The following DMXL1 variants were observed in gnomAD, a reference collection of about 807,000 sequenced individuals.
The protein encoded by DMXL1 is Dmx like 1, also known as dmX-like protein 1.
Under a neutral mutation model 319.2 loss-of-function variants are expected in DMXL1, and 99 were observed. The observed-to-expected ratio is 0.31, with a 90% confidence interval of 0.26 to 0.37. The LOEUF (loss-of-function observed/expected upper bound fraction) is 0.37, where lower values mean the gene tolerates loss of function less well. DMXL1 is among the 10% of genes least tolerant of loss of function. The pLI is 1.00. For synonymous variants in DMXL1, 1,385 were observed against 1,235.2 expected (o/e 1.12, Z -2.54); for missense variants, 3,745 against 3,595.6 (o/e 1.04, Z -1.06).
chr5:119,080,518 T>G (rs1020246024), intron 1 of DMXL1, among the ~76,000 whole-genome samples: 1 of 152,146 alleles, frequency 6.6e-6, no homozygotes, highest in Non-Finnish European at 1.5e-5. Context: ...GGAAATATCC[T>G]TAACACCTAA....
intron 4 of DMXL1, among the ~76,000 whole-genome samples, chr5:119,105,634 G>A (rs563554406): frequency 3.3e-5 from 5 of 152,230 alleles, no homozygotes; most frequent in African/African-American, 9.6e-5. Context: ...GGTGGCTCAC[G>A]CCTGTATTCC....
At chr5:119,109,445 G>T (rs1450979225) in intron 4 of DMXL1, among the ~76,000 whole-genome samples, 1 of 152,060 alleles carries the variant, frequency 6.6e-6, no homozygotes, top group African/African-American at 2.4e-5. Flanking sequence ...ACTGCCACTT[G>T]AAAATCTTTT....
At chr5:119,239,148 C>T in intron 41 of DMXL1, 68 bp downstream of exon 41, 1 of 1,518,044 alleles carries the variant, frequency 6.6e-7, no homozygotes, top group Non-Finnish European at 9.0e-7. Context: ...TGTTTCTGTC[C>T]TTGTGTTTGA....
chr5:119,196,384 C>T lies in DMXL1; in HGVS notation c.7471C>T (p.Arg2491Trp). ...CTTTATTTTTAGTTGGTCCTTGATG[C>T]GGTTGGCGATGGTGCAATTGGTGCT... ...NSNSYSWSLMRLAMVQLVLNN... is the reference protein window; with the variant it reads ...NSNSYSWSLMWLAMVQLVLNN... The change falls in exon 31 of 44, where the codon CGG becomes TGG. Residue 2491 changes from arginine (R) to tryptophan (W), a missense_variant. By Grantham distance (101) the Arg-to-Trp change is moderately radical. Around this residue, in one of 4 missense-constraint regions of DMXL1, gnomAD observed 1,382 missense variants for 1,269.5 expected, o/e 1.09. Transcript: ENST00000539542. 2 of 1,613,404 alleles carry T rather than the reference C, an allele frequency of 1.2e-6. No homozygotes were observed. Among genetic ancestry groups the T allele is most frequent in the Non-Finnish European group, 1.7e-6 (2 of 1,179,438 alleles).
At chr5:119,097,055 C>G (rs149644807) in intron 1 of DMXL1, among the ~76,000 whole-genome samples, 3 of 152,278 alleles carry the variant, frequency 2.0e-5, no homozygotes, top group Non-Finnish European at 4.4e-5. Flanking sequence ...GAATTGTAGC[C>G]TGAATGCTGG....
Position 119,247,214 on chromosome 5 carries a change from C to T in DMXL1, c.9142C>T (p.Leu3048=). Residue 3048 remains leucine, a synonymous_variant, in exon 44 of 44, where the codon CTA becomes TTA. Coordinates refer to ENST00000539542, the MANE Select transcript of DMXL1 (RefSeq NM_001290321.3). ...GTTGAAAAATGATGTGAAATTTATGCTATAACATTTTTACAATAAGATGTA... is the reference window on the plus strand; with the variant it reads ...GTTGAAAAATGATGTGAAATTTATGTTATAACATTTTTACAATAAGATGTA... ...EVLKNDVKFM[L] The T allele has an allele frequency of 1.2e-6, 2 of 1,606,142 alleles. No individual in the cohort carries two copies. Among genetic ancestry groups the T allele is most frequent in the Non-Finnish European group, 1.7e-6 (2 of 1,173,484 alleles).
chr5:119,151,232 A>T (rs913357383), intron 18 of DMXL1, among the ~76,000 whole-genome samples: 1 of 149,378 alleles, frequency 6.7e-6, no homozygotes, highest in Non-Finnish European at 1.5e-5. Flanking sequence ...GAGAGCATTT[A>T]AAAAAAAAAT....
In DMXL1 at chr5:119,197,767, G is replaced by T. The variant is rs1226106935; in HGVS notation, c.7556G>T (p.Ser2519Ile). 6.2e-7 allele frequency: 1 copy of T among 1,613,694 alleles called. No homozygotes were observed. Among genetic ancestry groups the T allele is most frequent in the Admixed American group, 1.7e-5 (1 of 59,958 alleles). Residue 2519 changes from serine (S) to isoleucine (I), a missense_variant, in exon 32 of 44, where the codon AGT becomes ATT. This residue lies in a region of DMXL1 where 1,382 missense variants were observed against 1,269.5 expected (regional missense o/e 1.09). Coordinates refer to ENST00000539542, the MANE Select transcript of DMXL1 (RefSeq NM_001290321.3). Reference sequence around the variant, plus strand: ...GTTCCCATTTTAGAGCTTCCAGTTAGTTCACCTCTTTGTCATGCGGTTCTA... The same window carrying T: ...GTTCCCATTTTAGAGCTTCCAGTTATTTCACCTCTTTGTCATGCGGTTCTA... Reference protein sequence around the residue: ...AGHDLAELPVSSPLCHAVLKT... With the variant: ...AGHDLAELPVISPLCHAVLKT...
At chr5:119,220,442 T>G in intron 35 of DMXL1, 30 bp from the exon 36 acceptor site, 1 of 1,608,922 alleles carries the variant, frequency 6.2e-7, no homozygotes, top group Non-Finnish European at 8.5e-7. Context: ...GCCTATTGCT[T>G]TTAAAATTAC....
At position 119,148,709 on chromosome 5, in the gene DMXL1, C is replaced by T. The variant is rs186428141; in HGVS notation, c.2912-30C>T. ...AACAGAAGTATTTAACCAAATTTGA[C>T]ATTTTGTTAACGGATTATTTTTATT... On this transcript the variant is annotated intron_variant, in intron 17 of 43. Transcript: ENST00000539542. 2.0e-3 allele frequency: 3,116 copies of T among 1,574,250 alleles called. 11 individuals are homozygous for T. Among genetic ancestry groups the T allele is most frequent in the South Asian group, 5.4e-3 (458 of 84,256 alleles).
At chr5:119,130,866 G>C (rs530038828) in intron 10 of DMXL1, among the ~76,000 whole-genome samples, 4 of 152,050 alleles carry the variant, frequency 2.6e-5, no homozygotes, top group Non-Finnish European at 5.9e-5. Context: ...GAATTTCCAG[G>C]GAGTGTAGCA....
At chr5:119,148,580 G>A (rs2150133385) in intron 17 of DMXL1, among the ~76,000 whole-genome samples, 159 bp from the exon 18 acceptor site, 1 of 151,992 alleles carries the variant, frequency 6.6e-6, no homozygotes, top group South Asian at 2.1e-4. Flanking sequence ...ATAAATATAG[G>A]CTGTCTATTA....
At chr5:119,166,571 A>C in intron 21 of DMXL1, 45 bp from the exon 22 acceptor site, 1 of 1,550,884 alleles carries the variant, frequency 6.4e-7, no homozygotes. Context: ...TGATGTAAAG[A>C]AAATTGTATT....
intron 1 of DMXL1, among the ~76,000 whole-genome samples, chr5:119,096,325 C>T (rs985318691): frequency 6.6e-6 from 1 of 151,860 alleles, no homozygotes; most frequent in Admixed American, 6.6e-5. Context: ...TACAGGCATG[C>T]ACGACCATGC....
chr5:119,078,500 G>A (rs1193952395), intron 1 of DMXL1, among the ~76,000 whole-genome samples: 1 of 152,086 alleles, frequency 6.6e-6, no homozygotes, highest in Non-Finnish European at 1.5e-5. Context: ...ACACAGGCTG[G>A]AGTGCAGTTG....
At chr5:119,126,568 C>T (rs1238603817) in intron 9 of DMXL1, among the ~76,000 whole-genome samples, 1 of 152,068 alleles carries the variant, frequency 6.6e-6, no homozygotes, top group African/African-American at 2.4e-5. Context: ...TTTCTAAGTG[C>T]CCAACACCGT....
At chr5:119,109,417 A>C (rs987077024) in intron 4 of DMXL1, among the ~76,000 whole-genome samples, 2 of 151,164 alleles carry the variant, frequency 1.3e-5, no homozygotes, top group African/African-American at 2.4e-5. Context: ...TTTTGTAACA[A>C]CTCCCCCACA....
chr5:119,176,794 G>A (rs1283775777), intron 26 of DMXL1, among the ~76,000 whole-genome samples: 2 of 151,948 alleles, frequency 1.3e-5, no homozygotes, highest in African/African-American at 4.8e-5. Context: ...GTTAGTCTTA[G>A]CTTTGCATCT....
intron 25 of DMXL1, among the ~76,000 whole-genome samples, chr5:119,173,798 A>ATAT (rs1307519155): frequency 8.7e-5 from 11 of 126,642 alleles, no homozygotes; most frequent in East Asian, 5.6e-4. Context: ...ATATATATAT[A>ATAT]ATGAGAGAGA....
Sources: allele counts gnomAD v4.1 joint callset (sites outside exome capture counted in the v4.1 genomes callset), GRCh38; gene constraint gnomAD v4.1.1; regional missense constraint gnomAD v4.1.1; transcripts MANE v1.5; gene names NCBI Gene and HGNC (gene_info 2026-07-23, HGNC 2026-07-21).